The following SV2C variants were observed in gnomAD, a reference collection of about 807,000 sequenced individuals.
The protein encoded by SV2C is solute carrier family 22 member B3.
In SV2C, 49 loss-of-function variants were observed where a neutral mutation model predicts 79.7. That is an observed-to-expected ratio of 0.61 (90% confidence interval 0.49 to 0.78). The LOEUF (loss-of-function observed/expected upper bound fraction) is 0.78, where lower values mean the gene tolerates loss of function less well. SV2C is among the 30% of genes least tolerant of loss of function. The pLI is 0.00. For missense variants in SV2C, 833 were observed against 912.9 expected, an observed-to-expected ratio of 0.91 and a Z score of 1.13; for synonymous variants, 334 against 333.2, an observed-to-expected ratio of 1.00 and a Z score of -0.03.
At chr5:75,871,830 T>TACAC in the SV2C span, among the ~76,000 whole-genome samples, 6 of 110,538 alleles carry the variant, frequency 5.4e-5, no homozygotes, top group East Asian at 4.6e-4. Context: ...TATATATATA[T>TACAC]ATATACACAC....
intron 12 of SV2C, among the ~76,000 whole-genome samples, chr5:76,313,312 G>A (rs1015103517): frequency 6.6e-6 from 1 of 151,968 alleles, no homozygotes; most frequent in African/African-American, 2.4e-5. Flanking sequence ...TCCATCCCTG[G>A]CCCTCTGCTC....
the SV2C span, among the ~76,000 whole-genome samples, chr5:75,953,022 T>A: frequency 6.6e-6 from 1 of 151,926 alleles, no homozygotes; most frequent in Non-Finnish European, 1.5e-5. Context: ...TGTGGGTAAT[T>A]TATAAAGAAA....
chr5:76,216,471 A>T (rs989852096), intron 4 of SV2C, among the ~76,000 whole-genome samples: 1 of 152,188 alleles, frequency 6.6e-6, no homozygotes, highest in Admixed American at 6.5e-5. Flanking sequence ...TGCCTCAAAA[A>T]TCAGTGCCTG....
the SV2C span, among the ~76,000 whole-genome samples, chr5:76,003,413 T>C: frequency 6.6e-6 from 1 of 152,152 alleles, no homozygotes; most frequent in South Asian, 2.1e-4. Context: ...ATGAGTAAGA[T>C]CCTTCATGGG....
At chr5:75,965,834 A>G in the SV2C span, among the ~76,000 whole-genome samples, 1 of 152,138 alleles carries the variant, frequency 6.6e-6, no homozygotes, top group Admixed American at 6.5e-5. Flanking sequence ...CCAGTTCTCC[A>G]GAAAAAAAAA....
chr5:76,315,578 A>G (rs914568335), intron 12 of SV2C, among the ~76,000 whole-genome samples: 1 of 152,186 alleles, frequency 6.6e-6, no homozygotes, highest in Non-Finnish European at 1.5e-5. Flanking sequence ...CTAATTCTGG[A>G]CAAGGAGATG....
chr5:76,188,197 G>A (rs1561255865), intron 2 of SV2C, among the ~76,000 whole-genome samples: 1 of 152,164 alleles, frequency 6.6e-6, no homozygotes, highest in Admixed American at 6.5e-5. Flanking sequence ...GGAGACAGAG[G>A]TTGCAGTGAG....
At chr5:76,312,779 C>A (rs566313973) in intron 12 of SV2C, among the ~76,000 whole-genome samples, 93 of 152,318 alleles carry the variant, frequency 6.1e-4, no homozygotes, top group Admixed American at 3.4e-3. Context: ...CAGTTTCAGA[C>A]ATGAGGTCAG....
the SV2C span, among the ~76,000 whole-genome samples, chr5:76,068,645 G>A: frequency 3.7e-3 from 564 of 152,182 alleles, 1 homozygote; most frequent in Non-Finnish European, 6.3e-3. Flanking sequence ...TCTAAAAAAA[G>A]TTGAAGAAAT....
the SV2C span, among the ~76,000 whole-genome samples, chr5:75,986,240 G>A: frequency 6.6e-6 from 1 of 151,608 alleles, no homozygotes; most frequent in Admixed American, 6.6e-5. Flanking sequence ...ATCTTGAGAT[G>A]GGGAGATAAG....
chr5:75,962,212 A>C, the SV2C span, among the ~76,000 whole-genome samples: 2 of 152,128 alleles, frequency 1.3e-5, no homozygotes, highest in Admixed American at 1.3e-4. Flanking sequence ...TGAGTAACAG[A>C]CACCCATGTG....
At chr5:76,042,103 G>T in the SV2C span, among the ~76,000 whole-genome samples, 2 of 152,138 alleles carry the variant, frequency 1.3e-5, no homozygotes, top group African/African-American at 2.4e-5. Flanking sequence ...CACAGGGTCT[G>T]GTTACTCTGG....
chr5:76,341,595 A>C (rs1749443103), intron 12 of SV2C, among the ~76,000 whole-genome samples: 1 of 152,208 alleles, frequency 6.6e-6, no homozygotes, highest in Non-Finnish European at 1.5e-5. Flanking sequence ...AGCAAAAATT[A>C]GTTTTTCCAA....
chr5:76,001,592 A>AG, the SV2C span, among the ~76,000 whole-genome samples: 1 of 151,462 alleles, frequency 6.6e-6, no homozygotes, highest in Non-Finnish European at 1.5e-5. Flanking sequence ...CCATCTCAGA[A>AG]AAAAAAAAAT....
chr5:76,231,250 T>C (rs1446646777), intron 4 of SV2C, among the ~76,000 whole-genome samples: 1 of 152,218 alleles, frequency 6.6e-6, no homozygotes, highest in African/African-American at 2.4e-5. Flanking sequence ...TACCTTTTAA[T>C]AAGTATGTGA....
chr5:76,209,294 T>A (rs1293336701), intron 3 of SV2C, among the ~76,000 whole-genome samples: 5 of 152,082 alleles, frequency 3.3e-5, no homozygotes, highest in African/African-American at 1.2e-4. Flanking sequence ...ACCCTAGAGG[T>A]GTTTGAAGCT....
intron 4 of SV2C, among the ~76,000 whole-genome samples, chr5:76,252,079 G>A (rs1746131503): frequency 6.6e-6 from 1 of 152,174 alleles, no homozygotes. Context: ...TCAAACTAGA[G>A]TATGCAAACT....
chr5:75,986,822 T>G, the SV2C span, among the ~76,000 whole-genome samples: 1 of 151,996 alleles, frequency 6.6e-6, no homozygotes, highest in Non-Finnish European at 1.5e-5. Flanking sequence ...TCAAGGATGT[T>G]TGTATAGTCA....
chr5:76,330,127 G>C lies in SV2C; in HGVS notation c.*4580G>C, dbSNP rs31269. On this transcript the variant is annotated 3_prime_UTR_variant, in exon 13 of 13. Coordinates refer to ENST00000502798, the MANE Select transcript of SV2C (RefSeq NM_014979.4). ...ATTGTGTGTCCCTTCATTGTTTCAGGTATGGCGTAACAGTTCTCCGTGTGA... is the reference window on the plus strand; with the variant it reads ...ATTGTGTGTCCCTTCATTGTTTCAGCTATGGCGTAACAGTTCTCCGTGTGA... 6.6e-6 allele frequency: 1 copy of C among 151,318 alleles called. No homozygotes were observed. The highest frequency in any genetic ancestry group is 2.4e-5 in the African/African-American group (1 of 41,094). 9.4% of individuals were successfully genotyped at this position (151,318 alleles called of 1,614,324 possible). A position where few individuals can be genotyped will look rare whatever the true frequency, so the allele number is the denominator to read the frequency against.
Sources: allele counts gnomAD v4.1 joint callset (sites outside exome capture counted in the v4.1 genomes callset), GRCh38; gene constraint gnomAD v4.1.1; transcripts MANE v1.5; gene names NCBI Gene and HGNC (gene_info 2026-07-23, HGNC 2026-07-21).